Variants in BAZ1A observed in about 807,000 individuals in gnomAD.
The protein encoded by BAZ1A is bromodomain adjacent to zinc finger domain 1A.
A neutral mutation model predicts 185.2 loss-of-function variants in BAZ1A; 50 were observed. The observed-to-expected ratio is 0.27, with a 90% confidence interval of 0.22 to 0.34. The LOEUF (loss-of-function observed/expected upper bound fraction) is 0.34. Ranked by LOEUF, BAZ1A falls within the 10% of genes least tolerant of loss-of-function variation. The probability of loss-of-function intolerance (pLI) is 1.00; values close to 1 mark genes in which losing one functional copy is unlikely to be tolerated. For missense variants in BAZ1A, 1,356 were observed against 1,839.9 expected, an observed-to-expected ratio of 0.74 and a Z score of 4.81; for synonymous variants, 571 against 615.6, an observed-to-expected ratio of 0.93 and a Z score of 1.07.
chr14:34,783,927 C>G lies in BAZ1A; in HGVS notation c.1832G>C (p.Gly611Ala), dbSNP rs768216576. 2 of 1,581,750 alleles carry G rather than the reference C, an allele frequency of 1.3e-6. No homozygotes were observed. Among genetic ancestry groups the G allele is most frequent in the Non-Finnish European group, 1.7e-6 (2 of 1,168,832 alleles). The change falls in exon 15 of 27, where the codon GGA becomes GCA. Residue 611 changes from glycine (G) to alanine (A), a missense_variant and splice_region_variant. Gly to Ala is a moderately conservative substitution (Grantham distance 60). Coordinates refer to ENST00000360310, the MANE Select transcript of BAZ1A (RefSeq NM_013448.3). ...SSTSVYDLTP[G>A]EKMKILHALC... Reference sequence around the variant, plus strand: ...AGCATGGAGTATCTTCATTTTTTCTCCTGTCAAAAATTGGTAAATACTTCT... The same window carrying G: ...AGCATGGAGTATCTTCATTTTTTCTGCTGTCAAAAATTGGTAAATACTTCT...
intron 4 of BAZ1A, among the ~76,000 whole-genome samples, chr14:34,824,311 C>G (rs1470012885): frequency 1.5e-5 from 2 of 132,856 alleles, no homozygotes; most frequent in Non-Finnish European, 3.1e-5. Flanking sequence ...AAGTTTGAAG[C>G]TGCAGTGAGC....
At chr14:34,866,277 A>T (rs567702680) in intron 2 of BAZ1A, among the ~76,000 whole-genome samples, 1 of 152,080 alleles carries the variant, frequency 6.6e-6, no homozygotes, top group African/African-American at 2.4e-5. Flanking sequence ...TAAGCCCAAG[A>T]GCTCAAGACC....
rs1480842990 is a variant in BAZ1A, at chr14:34,753,715, A to G, written c.4475-11T>C. On this transcript the variant is annotated splice_polypyrimidine_tract_variant and intron_variant, in intron 26 of 26. Transcript: ENST00000360310. ...CATCAATAAACTCAGCTAGAAAGGG[A>G]AAGAGACAAAAAGATTAGAATGAAA... 1.3e-6 allele frequency: 2 copies of G among 1,536,612 alleles called. No homozygotes were observed. The highest frequency in any genetic ancestry group is 2.5e-5 in the South Asian group (2 of 79,476).
Position 34,875,130 on chromosome 14 carries a change from A to AC in BAZ1A, c.-59+7dup. ...GCCGGCGCCGGCCGGCTCCCGAGCG[A>AC]CCCTCACCTGCGATCACGCCGACTG... On this transcript the variant is annotated splice_region_variant and intron_variant, in intron 1 of 26. Transcript: ENST00000360310. 1 of 391,346 alleles carries AC rather than the reference A, an allele frequency of 2.6e-6. No homozygotes were observed. The allele number at this position is 391,346 out of a possible 1,614,324, so 24.2% of individuals were successfully genotyped here.
intron 10 of BAZ1A, 51 bp from the exon 11 acceptor site, chr14:34,794,938 T>A: frequency 2.5e-6 from 4 of 1,590,658 alleles, no homozygotes; most frequent in Non-Finnish European, 3.4e-6. Flanking sequence ...GCAGGAAAAC[T>A]TAAAAGGCAG....
At chr14:34,794,197 T>G (rs1566565723) in intron 11 of BAZ1A, among the ~76,000 whole-genome samples, 1 of 152,128 alleles carries the variant, frequency 6.6e-6, no homozygotes, top group Non-Finnish European at 1.5e-5. Context: ...TTTAAGAAAA[T>G]TATTTTACCA....
intron 26 of BAZ1A, among the ~76,000 whole-genome samples, chr14:34,754,433 G>GAAAAAAA (rs1886153252): frequency 1.5e-5 from 2 of 132,138 alleles, no homozygotes; most frequent in Admixed American, 7.4e-5. Flanking sequence ...AAAAAAAAAA[G>GAAAAAAA]AAAAAAGAAA....
intron 9 of BAZ1A, among the ~76,000 whole-genome samples, chr14:34,800,023 A>C (rs1485971189): frequency 1.3e-5 from 2 of 152,220 alleles, no homozygotes; most frequent in Non-Finnish European, 2.9e-5. Flanking sequence ...TTAGAACTGC[A>C]TTCTAAAAGA....
At position 34,837,898 on chromosome 14, in the gene BAZ1A, C is replaced by T. The variant is rs74556489; in HGVS notation, c.393-11742G>A. Among the ~76,000 whole-genome samples the T allele has an allele frequency of 1.1e-3, 172 of 152,236 alleles. 2 individuals are homozygous for T. The East Asian group carries it at 0.031, about 27-fold the overall frequency. ...ACAACAACACATTAAATATGAAAAGCCACCACAGATTTGACAAGTGATCTT... is the reference window on the plus strand; with the variant it reads ...ACAACAACACATTAAATATGAAAAGTCACCACAGATTTGACAAGTGATCTT... On this transcript the variant is annotated intron_variant, in intron 3 of 26. Coordinates refer to ENST00000360310, the MANE Select transcript of BAZ1A (RefSeq NM_013448.3).
chr14:34,799,055 C>T (rs1318763667), intron 9 of BAZ1A, among the ~76,000 whole-genome samples: 3 of 151,694 alleles, frequency 2.0e-5, no homozygotes, highest in Non-Finnish European at 4.4e-5. Context: ...TATGCAGCCA[C>T]AAAAAAGGAT....
rs750007899 is a variant in BAZ1A at position 34,761,928 on chromosome 14, G to A, written c.4072C>T (p.Arg1358Cys). 1.2e-5 allele frequency: 20 copies of A among 1,614,040 alleles called. No individual in the cohort carries two copies. Among genetic ancestry groups the A allele is most frequent in the East Asian group, 2.2e-5 (1 of 44,904 alleles). Residue 1358 changes from arginine (R) to cysteine (C), a missense_variant, in exon 24 of 27, where the codon CGC (arginine) becomes TGC (cysteine). Around this residue, in one of 7 missense-constraint regions of BAZ1A, gnomAD observed 309 missense variants for 355.3 expected, o/e 0.87. Transcript: ENST00000360310. ...TTATTAGCACTTTTCCTGCCTCTGC[G>A]TTTTCTACGAGGACTAAGCAATTCC... Reference protein sequence around the residue: ...FVELLSPRRKRRGRKSANNTP... With the variant: ...FVELLSPRRKCRGRKSANNTP...
In BAZ1A at chr14:34,792,383, CA is replaced by C. The variant is rs35217207; in HGVS notation, c.1510+391del. Among the ~76,000 whole-genome samples, 954 of 140,700 alleles carry C rather than the reference CA, an allele frequency of 6.8e-3. 8 individuals are homozygous for C. Among genetic ancestry groups the C allele is most frequent in the African/African-American group, 0.022 (847 of 37,700 alleles). The allele number at this position is 140,700 out of a possible 152,430, so 92.3% of individuals were successfully genotyped here. On this transcript the variant is annotated intron_variant, in intron 12 of 26. Coordinates refer to ENST00000360310, the MANE Select transcript of BAZ1A (RefSeq NM_013448.3). Reference sequence around the variant, plus strand: ...CTGGCAACAGAGCGAAACTCCATCTCAAAAAAAAAAAAGTATTTCCTTAGTT... The same window carrying C: ...CTGGCAACAGAGCGAAACTCCATCTCAAAAAAAAAAAGTATTTCCTTAGTT...
chr14:34,812,604 G>A (rs1461020910), intron 4 of BAZ1A, among the ~76,000 whole-genome samples: 1 of 152,194 alleles, frequency 6.6e-6, no homozygotes, highest in African/African-American at 2.4e-5. Context: ...GGACTTAAAT[G>A]GAAGTAGCAG....
chr14:34,852,081 C>T (rs1259633970), intron 3 of BAZ1A, among the ~76,000 whole-genome samples: 1 of 151,434 alleles, frequency 6.6e-6, no homozygotes, highest in Non-Finnish European at 1.5e-5. Flanking sequence ...GAGCTGAGAT[C>T]GTGCCACTGC....
chr14:34,802,044 A>T (rs1254424119), intron 7 of BAZ1A, among the ~76,000 whole-genome samples: 2 of 152,226 alleles, frequency 1.3e-5, no homozygotes, highest in African/African-American at 4.8e-5. Context: ...AAAGATCCTT[A>T]AAAATGCATT....
At chr14:34,857,001 A>G (rs2042691628) in intron 3 of BAZ1A, among the ~76,000 whole-genome samples, 1 of 150,858 alleles carries the variant, frequency 6.6e-6, no homozygotes, top group African/African-American at 2.4e-5. Context: ...AGGCTTCTGC[A>G]TCTTTTTTCT....
chr14:34,785,113 C>A (rs1228954807), intron 14 of BAZ1A, among the ~76,000 whole-genome samples: 1 of 152,186 alleles, frequency 6.6e-6, no homozygotes, highest in Non-Finnish European at 1.5e-5. Context: ...ACCTTGGCCT[C>A]CCAAGGTGCT....
intron 25 of BAZ1A, 62 bp from the exon 26 acceptor site, chr14:34,754,976 A>G: frequency 7.6e-7 from 1 of 1,314,340 alleles, no homozygotes; most frequent in Non-Finnish European, 1.1e-6. Flanking sequence ...AAGTGTTCAA[A>G]TAACTAAAAG....
intron 3 of BAZ1A, chr14:34,845,277 T>TC (rs1204683560): frequency 6.7e-6 from 1 of 148,838 alleles, no homozygotes; most frequent in African/African-American, 2.4e-5. Flanking sequence ...ACTTTTTCTT[T>TC]TTTTTTTTTT....
Sources: allele counts gnomAD v4.1 joint callset (sites outside exome capture counted in the v4.1 genomes callset), GRCh38; gene constraint gnomAD v4.1.1; regional missense constraint gnomAD v4.1.1; transcripts MANE v1.5; gene names NCBI Gene and HGNC (gene_info 2026-07-23, HGNC 2026-07-21).